KCNH5: variants seen among roughly 807,000 people sequenced by gnomAD.
The protein encoded by KCNH5 is voltage-gated delayed rectifier potassium channel KCNH5.
KCNH5 carries 46 observed loss-of-function variants against 96.1 expected under a neutral mutation model. That is an observed-to-expected ratio of 0.48 (90% CI 0.38 to 0.61). The LOEUF (loss-of-function observed/expected upper bound fraction) is 0.61, where lower values mean the gene tolerates loss of function less well. Ranked by LOEUF, KCNH5 falls within the 20% of genes least tolerant of loss-of-function variation. The pLI is 0.00. For missense variants in KCNH5, 907 were observed against 1,225.8 expected (o/e 0.74, Z 3.88); for synonymous variants, 439 against 449.8 (o/e 0.98, Z 0.30).
intron 7 of KCNH5, among the ~76,000 whole-genome samples, chr14:62,861,582 A>G (rs1341803336): frequency 6.7e-6 from 1 of 148,694 alleles, no homozygotes; most frequent in Admixed American, 6.7e-5. Flanking sequence ...TTTTGTTTCT[A>G]TTTTTTTCCT....
intron 3 of KCNH5, among the ~76,000 whole-genome samples, chr14:63,003,624 A>ATATATATATATATATAT (rs1491457497): frequency 1.1e-4 from 10 of 92,816 alleles, no homozygotes; most frequent in African/African-American, 4.7e-4. Flanking sequence ...ATATATATAT[A>ATATATATATATATATAT]TTTTTTTTTT....
intron 7 of KCNH5, among the ~76,000 whole-genome samples, chr14:62,946,682 T>C (rs1889893462): frequency 6.6e-6 from 1 of 152,052 alleles, no homozygotes; most frequent in African/African-American, 2.4e-5. Context: ...ACAATGTCCT[T>C]CAATAGATGG....
chr14:63,037,543 T>C (rs1008907601), intron 1 of KCNH5, among the ~76,000 whole-genome samples: 25 of 152,150 alleles, frequency 1.6e-4, no homozygotes, highest in African/African-American at 6.0e-4. Context: ...TTTTCAATGC[T>C]TGTAAATGTA....
rs1001092918 is a variant in KCNH5 at position 62,704,267 on chromosome 14, A to G, written c.*3241T>C. The G allele has an allele frequency of 6.6e-6, 1 of 151,902 alleles. No homozygotes were observed. The highest frequency in any genetic ancestry group is 2.4e-5 in the African/African-American group (1 of 41,404). 9.4% of individuals were successfully genotyped at this position (151,902 alleles called of 1,614,324 possible). A position where few individuals can be genotyped will look rare whatever the true frequency, so the allele number is the denominator to read the frequency against. ...CATTTTTAGTCCTATACTTAATGCAAGATGCAACTAGTGTCATAAAAATTT... is the reference window on the plus strand; with the variant it reads ...CATTTTTAGTCCTATACTTAATGCAGGATGCAACTAGTGTCATAAAAATTT... On this transcript the variant is annotated 3_prime_UTR_variant, in exon 11 of 11. Transcript: ENST00000322893.
At chr14:63,006,885 C>T (rs536641536) in intron 2 of KCNH5, among the ~76,000 whole-genome samples, 16 of 152,278 alleles carry the variant, frequency 1.1e-4, no homozygotes, top group African/African-American at 1.7e-4. Context: ...ACTCAGTTCA[C>T]GCACAGACAG....
At chr14:63,011,285 C>T (rs543825474) in intron 2 of KCNH5, among the ~76,000 whole-genome samples, 1 of 151,666 alleles carries the variant, frequency 6.6e-6, no homozygotes, top group African/African-American at 2.4e-5. Context: ...GAGTTCGAGA[C>T]CAGCCTGGCC....
chr14:62,901,787 C>T (rs1389329946), intron 7 of KCNH5, among the ~76,000 whole-genome samples: 1 of 152,204 alleles, frequency 6.6e-6, no homozygotes, highest in Non-Finnish European at 1.5e-5. Context: ...GTTTTAAGCT[C>T]TTTGAGAAAT....
In KCNH5 at chr14:62,706,657, C is replaced by G. The variant is rs1451912268; in HGVS notation, c.*851G>C. 6.6e-6 allele frequency: 1 copy of G among 152,002 alleles called. No individual in the cohort carries two copies. Among genetic ancestry groups the G allele is most frequent in the Non-Finnish European group, 1.5e-5 (1 of 67,958 alleles). 9.4% of individuals were successfully genotyped at this position (152,002 alleles called of 1,614,324 possible). On this transcript the variant is annotated 3_prime_UTR_variant, in exon 11 of 11. Coordinates refer to ENST00000322893, the MANE Select transcript of KCNH5 (RefSeq NM_139318.5). The stretch of plus-strand genomic sequence containing the variant: ...AATACAAATTTAGAGCATTTATCAG[C>G]TTTGGAAATTCAGCATCTCTTACAT...
At chr14:62,800,859 A>C (rs1266936383) in intron 9 of KCNH5, among the ~76,000 whole-genome samples, 3 of 152,148 alleles carry the variant, frequency 2.0e-5, no homozygotes, top group African/African-American at 7.2e-5. Flanking sequence ...ATACTCCAGT[A>C]AACAAAGCAG....
intron 10 of KCNH5, among the ~76,000 whole-genome samples, chr14:62,763,278 C>G (rs1343920024): frequency 1.3e-5 from 2 of 151,994 alleles, no homozygotes; most frequent in Admixed American, 6.6e-5. Flanking sequence ...ATTAAACAAC[C>G]TGCTCCTGAA....
chr14:63,020,482 C>A (rs566727559), intron 1 of KCNH5, among the ~76,000 whole-genome samples: 1 of 152,006 alleles, frequency 6.6e-6, no homozygotes, highest in Admixed American at 6.6e-5. Context: ...TAAAATGGAA[C>A]AAAAAACTTC....
rs371162846 is a variant in KCNH5 at position 62,745,982 on chromosome 14, A to G, written c.2019+33746T>C. ...GGATGTCAGGCAGAGTCAACAGAAG[A>G]GCGGGTTTCTGAGCACCACAAAGCT... On this transcript the variant is annotated intron_variant, in intron 10 of 10. Transcript: ENST00000322893. Among the ~76,000 whole-genome samples, 375 of 152,316 alleles carry G rather than the reference A, an allele frequency of 2.5e-3. 1 individual carries two copies. The highest frequency in any genetic ancestry group is 8.6e-3 in the African/African-American group (358 of 41,570).
At chr14:62,712,714 T>C (rs749309344) in intron 10 of KCNH5, 1 of 778,914 alleles carries the variant, frequency 1.3e-6, no homozygotes, top group East Asian at 2.4e-5. Context: ...TGGAGAACCA[T>C]CCCTGAAAGC....
rs551364828 is a variant in KCNH5, at chr14:62,743,242, C to T, written c.2020-34787G>A. ...AATAAAAGTATAATGGGCCTCACCC[C>T]TAGAGATTCTAATTTAAATTAGTTT... On this transcript the variant is annotated intron_variant, in intron 10 of 10. Coordinates refer to ENST00000322893, the MANE Select transcript of KCNH5 (RefSeq NM_139318.5). Among the ~76,000 whole-genome samples, 4 of 152,288 alleles carry T rather than the reference C, an allele frequency of 2.6e-5. No homozygotes were observed. In the South Asian group the frequency reaches 6.2e-4, roughly 24 times the overall value.
intron 10 of KCNH5, among the ~76,000 whole-genome samples, chr14:62,749,380 A>G (rs1394856775): frequency 6.6e-6 from 1 of 152,206 alleles, no homozygotes; most frequent in Non-Finnish European, 1.5e-5. Flanking sequence ...CCACCTGTTT[A>G]TTCCCAGAAG....
At chr14:62,870,397 T>C (rs886328980) in intron 7 of KCNH5, among the ~76,000 whole-genome samples, 1 of 152,234 alleles carries the variant, frequency 6.6e-6, no homozygotes, top group South Asian at 2.1e-4. Flanking sequence ...CAAGTTCTTA[T>C]ATTTAAATGT....
chr14:62,837,294 T>C lies in KCNH5; in HGVS notation c.1569+12359A>G, dbSNP rs1887484147. On this transcript the variant is annotated intron_variant, in intron 8 of 10. Coordinates refer to ENST00000322893, the MANE Select transcript of KCNH5 (RefSeq NM_139318.5). ...AGGAACTGCCTCATATCCACCACTGTCATTCCAGAGACTGGAACAATGTCT... is the reference window on the plus strand; with the variant it reads ...AGGAACTGCCTCATATCCACCACTGCCATTCCAGAGACTGGAACAATGTCT... 2.0e-5 allele frequency among the ~76,000 whole-genome samples: 3 copies of C among 152,216 alleles called. No homozygotes were observed. The South Asian group carries it at 6.2e-4, about 31-fold the overall frequency.
chr14:62,940,588 T>C (rs974182460), intron 7 of KCNH5, among the ~76,000 whole-genome samples: 1 of 152,198 alleles, frequency 6.6e-6, no homozygotes, highest in Non-Finnish European at 1.5e-5. Flanking sequence ...TCCATTCACA[T>C]CTACTTTCCA....
At chr14:63,043,231 T>C (rs1428539941) in intron 1 of KCNH5, among the ~76,000 whole-genome samples, 1 of 152,174 alleles carries the variant, frequency 6.6e-6, no homozygotes, top group African/African-American at 2.4e-5. Context: ...CCACAGTTGC[T>C]ATATTAATAA....
Sources: allele counts gnomAD v4.1 joint callset (sites outside exome capture counted in the v4.1 genomes callset), GRCh38; gene constraint gnomAD v4.1.1; transcripts MANE v1.5; gene names NCBI Gene and HGNC (gene_info 2026-07-23, HGNC 2026-07-21).